The following IQGAP2 variants were observed in gnomAD, a reference collection of about 807,000 sequenced individuals.
IQGAP2 encodes the protein ras GTPase-activating-like protein IQGAP2.
IQGAP2 carries 173 observed loss-of-function variants against 201.3 expected under a neutral mutation model. The ratio of observed to expected loss-of-function variants is 0.86; its 90% CI spans 0.76 to 0.98. IQGAP2 has a LOEUF of 0.98. Among genes scored for constraint, IQGAP2 ranks in the 50% least tolerant of loss-of-function variants. The probability of loss-of-function intolerance (pLI) is 0.00; values close to 1 mark genes in which losing one functional copy is unlikely to be tolerated. For missense variants in IQGAP2, 1,687 were observed against 1,864.8 expected (o/e 0.90, Z 1.76); for synonymous variants, 675 against 673.9 (o/e 1.00, Z -0.03).
At position 76,683,176 on chromosome 5, in the gene IQGAP2, TG is replaced by T; in HGVS notation, c.3726del (p.Ser1243ArgfsTer28). ...PEKNDLLSEL[L>X]GSLGEVPTVE... ...AAAAATGACTTACTGAGTGAATTGCTGGGGTCGCTGGGAGAGGTGCCAACCG... is the reference window on the plus strand; with the variant it reads ...AAAAATGACTTACTGAGTGAATTGCTGGGTCGCTGGGAGAGGTGCCAACCG... On this transcript the variant is annotated frameshift_variant, in exon 29 of 36. Coordinates refer to ENST00000274364, the MANE Select transcript of IQGAP2 (RefSeq NM_006633.5). LOFTEE classifies it high-confidence loss of function. 1 of 1,612,704 alleles carries T rather than the reference TG, an allele frequency of 6.2e-7. No individual in the cohort carries two copies. The highest frequency in any genetic ancestry group is 1.7e-4 in the Middle Eastern group (1 of 6,058).
At chr5:76,461,848 A>G (rs1754472435) in intron 2 of IQGAP2, among the ~76,000 whole-genome samples, 179 bp downstream of exon 2, 1 of 151,580 alleles carries the variant, frequency 6.6e-6, no homozygotes, top group Non-Finnish European at 1.5e-5. Flanking sequence ...ATTTGGCCAA[A>G]CCTCCCATGC....
chr5:76,674,269 A>C (rs952194443), intron 26 of IQGAP2, among the ~76,000 whole-genome samples: 3 of 152,166 alleles, frequency 2.0e-5, no homozygotes, highest in Non-Finnish European at 4.4e-5. Context: ...GCATTTTTTC[A>C]TCAAAAATAA....
At chr5:76,542,870 C>T (rs551740635) in intron 2 of IQGAP2, among the ~76,000 whole-genome samples, 3 of 152,280 alleles carry the variant, frequency 2.0e-5, no homozygotes, top group Admixed American at 2.0e-4. Flanking sequence ...TAGTTGTATC[C>T]ACTGTTTACG....
intron 2 of IQGAP2, among the ~76,000 whole-genome samples, chr5:76,464,222 C>T (rs1754650654): frequency 1.3e-5 from 2 of 152,144 alleles, no homozygotes. Context: ...TACTACTAGA[C>T]ATATAGTTGT....
intron 2 of IQGAP2, among the ~76,000 whole-genome samples, chr5:76,463,446 T>C (rs1360317199): frequency 6.6e-6 from 1 of 152,218 alleles, no homozygotes; most frequent in Non-Finnish European, 1.5e-5. Flanking sequence ...ATGATGTTAC[T>C]TATTGCCCTA....
chr5:76,632,144 T>C, intron 15 of IQGAP2, 118 bp downstream of exon 15: 1 of 886,258 alleles, frequency 1.1e-6, no homozygotes, highest in South Asian at 2.1e-5. Context: ...TGTAATTTTT[T>C]GTCATCTATG....
chr5:76,477,188 A>G (rs1755484590), intron 2 of IQGAP2, among the ~76,000 whole-genome samples: 1 of 152,118 alleles, frequency 6.6e-6, no homozygotes, highest in African/African-American at 2.4e-5. Flanking sequence ...TACAAAAAAA[A>G]AAATTAACCA....
intron 1 of IQGAP2, among the ~76,000 whole-genome samples, chr5:76,450,210 A>C (rs749529169): frequency 1.3e-5 from 2 of 152,230 alleles, no homozygotes; most frequent in Non-Finnish European, 1.5e-5. Flanking sequence ...TAGTTTACAC[A>C]ATCACGGGTT....
At chr5:76,528,707 C>T (rs563454234) in intron 2 of IQGAP2, among the ~76,000 whole-genome samples, 155 of 152,302 alleles carry the variant, frequency 1.0e-3, no homozygotes, top group African/African-American at 3.4e-3. Flanking sequence ...TTCCAGCAGG[C>T]GACTCTAGGG....
chr5:76,664,772 G>A (rs986743182), intron 21 of IQGAP2, among the ~76,000 whole-genome samples: 1 of 152,146 alleles, frequency 6.6e-6, no homozygotes, highest in Admixed American at 6.5e-5. Context: ...TTATCAAAAT[G>A]TGACACAGAG....
At chr5:76,552,886 T>C (rs539775086) in intron 2 of IQGAP2, among the ~76,000 whole-genome samples, 2 of 152,322 alleles carry the variant, frequency 1.3e-5, no homozygotes, top group African/African-American at 2.4e-5. Flanking sequence ...CTTGAAGTCA[T>C]ATGTTGATTC....
At chr5:76,655,640 G>A (rs569574120) in intron 20 of IQGAP2, among the ~76,000 whole-genome samples, 3 of 152,132 alleles carry the variant, frequency 2.0e-5, no homozygotes, top group East Asian at 3.9e-4. Context: ...GTACAGCCGG[G>A]GTTTCACCAT....
chr5:76,453,046 G>T (rs1753866522), intron 1 of IQGAP2, among the ~76,000 whole-genome samples: 2 of 151,856 alleles, frequency 1.3e-5, no homozygotes, highest in African/African-American at 4.8e-5. Flanking sequence ...CTCCTGAGTA[G>T]CTGGGATTAC....
intron 1 of IQGAP2, among the ~76,000 whole-genome samples, chr5:76,455,641 A>C (rs547498953): frequency 1.3e-5 from 2 of 152,242 alleles, no homozygotes; most frequent in East Asian, 3.9e-4. Flanking sequence ...ATTTTCGTAA[A>C]GCCTAAACTA....
chr5:76,487,181 C>A (rs543427637), intron 2 of IQGAP2, among the ~76,000 whole-genome samples: 1 of 151,730 alleles, frequency 6.6e-6, no homozygotes, highest in Non-Finnish European at 1.5e-5. Flanking sequence ...TCGCTGCAAC[C>A]TCCGCCTCCC....
chr5:76,551,248 T>A (rs1164878542), intron 2 of IQGAP2, among the ~76,000 whole-genome samples: 1 of 137,546 alleles, frequency 7.3e-6, no homozygotes, highest in Non-Finnish European at 1.5e-5. Context: ...ATCCCTCACA[T>A]CCCAGACGGG....
intron 2 of IQGAP2, among the ~76,000 whole-genome samples, chr5:76,512,279 C>T (rs574439855): frequency 1.2e-4 from 19 of 152,086 alleles, no homozygotes; most frequent in African/African-American, 4.3e-4. Flanking sequence ...AAAAACAGAT[C>T]GTAAGACACA....
chr5:76,554,476 A>G (rs76433099), intron 2 of IQGAP2, among the ~76,000 whole-genome samples: 3,288 of 152,310 alleles, frequency 0.022, 98 homozygotes, highest in African/African-American at 0.071. Flanking sequence ...AAGTAAAAAG[A>G]CAAATAATTC....
chr5:76,624,904 T>C (rs1320028073), intron 13 of IQGAP2, among the ~76,000 whole-genome samples: 1 of 152,098 alleles, frequency 6.6e-6, no homozygotes, highest in Non-Finnish European at 1.5e-5. Context: ...TGAAACCCCA[T>C]CTCTACTAAA....
Sources: allele counts gnomAD v4.1 joint callset (sites outside exome capture counted in the v4.1 genomes callset), GRCh38; gene constraint gnomAD v4.1.1; transcripts MANE v1.5; gene names NCBI Gene and HGNC (gene_info 2026-07-23, HGNC 2026-07-21).